MPDZ: variants seen among roughly 807,000 people sequenced by gnomAD.
MPDZ encodes the protein multiple PDZ domain protein.
Under a neutral mutation model 239.1 loss-of-function variants are expected in MPDZ, and 234 were observed. The observed-to-expected ratio is 0.98, with a 90% confidence interval of 0.88 to 1.09. MPDZ has a LOEUF of 1.09. Among genes scored for constraint, MPDZ ranks in the 50% least tolerant of loss-of-function variants. The probability of loss-of-function intolerance (pLI) is 0.00; values close to 1 mark genes in which losing one functional copy is unlikely to be tolerated. For synonymous variants in MPDZ, 1,048 were observed against 881.3 expected, an observed-to-expected ratio of 1.19 and a Z score of -3.35; for missense variants, 3,175 against 2,510.0, an observed-to-expected ratio of 1.26 and a Z score of -5.66.
chr9:13,278,190 A>G (rs1474440504), intron 1 of MPDZ, among the ~76,000 whole-genome samples: 1 of 152,194 alleles, frequency 6.6e-6, no homozygotes, highest in Non-Finnish European at 1.5e-5. Flanking sequence ...GACATCAAGG[A>G]ACATGGAGAA....
intron 39 of MPDZ, among the ~76,000 whole-genome samples, chr9:13,115,926 A>T (rs1943357576): frequency 6.9e-6 from 1 of 145,214 alleles, no homozygotes; most frequent in South Asian, 2.3e-4. Context: ...CCTGGGTGAC[A>T]GAGCGAGACT....
Position 13,209,329 on chromosome 9 carries a change from G to A in MPDZ, c.1291-3230C>T, listed in dbSNP as rs570709175. Among the ~76,000 whole-genome samples the A allele has an allele frequency of 5.9e-5, 9 of 152,262 alleles. No individual in the cohort carries two copies. The East Asian group carries it at 1.6e-3, about 26-fold the overall frequency. On this transcript the variant is annotated intron_variant, in intron 10 of 46. Transcript: ENST00000319217. ...CTCCAAATAACTCCTGGCTATCAGA[G>A]CAAACACAGAAAACAAAAACAGGCA...
At chr9:13,170,428 ATTG>A (rs1361813224) in intron 21 of MPDZ, among the ~76,000 whole-genome samples, 1 of 152,144 alleles carries the variant, frequency 6.6e-6, no homozygotes, top group Non-Finnish European at 1.5e-5. Flanking sequence ...TTTGAAGTGT[ATTG>A]TTAAGAAGAC....
chr9:13,261,132 T>C lies in MPDZ; in HGVS notation c.-57-10760A>G, dbSNP rs551039095. Among the ~76,000 whole-genome samples, 156 of 152,230 alleles carry C rather than the reference T, an allele frequency of 1.0e-3. 1 individual carries two copies. The highest frequency in any genetic ancestry group is 3.2e-3 in the African/African-American group (135 of 41,544). On this transcript the variant is annotated intron_variant, in intron 1 of 46. Coordinates refer to ENST00000319217, the MANE Select transcript of MPDZ (RefSeq NM_001378778.1). ...AATGGTAGAACAAGAGTTGAGAAGA[T>C]AGAAGGTGGCTGAGTAAGGGATGAA... is the stretch of plus-strand genomic sequence containing the variant.
chr9:13,228,993 T>C (rs998605413), intron 3 of MPDZ, among the ~76,000 whole-genome samples: 2 of 152,150 alleles, frequency 1.3e-5, no homozygotes, highest in African/African-American at 2.4e-5. Flanking sequence ...TATCATTCAA[T>C]ATGCCTTCCA....
At chr9:13,225,196 T>TA (rs199932971) in intron 3 of MPDZ, among the ~76,000 whole-genome samples, 11 of 151,434 alleles carry the variant, frequency 7.3e-5, no homozygotes, top group South Asian at 2.1e-4. Flanking sequence ...GTCAAAAGTT[T>TA]AAAAAAAAAT....
At chr9:13,152,611 G>A (rs921010043) in intron 24 of MPDZ, among the ~76,000 whole-genome samples, 4 of 151,812 alleles carry the variant, frequency 2.6e-5, no homozygotes, top group Non-Finnish European at 2.9e-5. Flanking sequence ...CCCCAGTCTC[G>A]GGGTACGTCT....
At chr9:13,272,926 A>G (rs766748882) in intron 1 of MPDZ, among the ~76,000 whole-genome samples, 1 of 152,080 alleles carries the variant, frequency 6.6e-6, no homozygotes, top group Non-Finnish European at 1.5e-5. Context: ...CCCCAAATTC[A>G]TATGTTGACA....
At chr9:13,219,139 C>G (rs995287098) in intron 8 of MPDZ, among the ~76,000 whole-genome samples, 1 of 151,666 alleles carries the variant, frequency 6.6e-6, no homozygotes, top group African/African-American at 2.4e-5. Flanking sequence ...TCCACACATT[C>G]AAAACAAAAA....
At chr9:13,164,518 T>A (rs1177075892) in intron 22 of MPDZ, among the ~76,000 whole-genome samples, 1 of 152,008 alleles carries the variant, frequency 6.6e-6, no homozygotes, top group Non-Finnish European at 1.5e-5. Context: ...CAGGAAAAGG[T>A]CAGGGAAGAA....
intron 43 of MPDZ, among the ~76,000 whole-genome samples, chr9:13,111,667 G>A (rs1392485554): frequency 6.6e-6 from 1 of 152,114 alleles, no homozygotes; most frequent in Non-Finnish European, 1.5e-5. Context: ...CAATTTAACA[G>A]AGTTAAATCG....
intron 1 of MPDZ, among the ~76,000 whole-genome samples, chr9:13,262,506 T>C (rs1485207558): frequency 1.3e-5 from 2 of 151,944 alleles, no homozygotes; most frequent in Non-Finnish European, 2.9e-5. Flanking sequence ...ATAGAAATGT[T>C]CTTTCTTCAA....
chr9:13,159,252 A>C (rs1950185536), intron 23 of MPDZ, among the ~76,000 whole-genome samples: 1 of 152,108 alleles, frequency 6.6e-6, no homozygotes, highest in Admixed American at 6.6e-5. Flanking sequence ...CTGAATGTTA[A>C]GTTTTTGTTT....
At chr9:13,208,678 T>A (rs183073008) in intron 10 of MPDZ, among the ~76,000 whole-genome samples, 1 of 149,242 alleles carries the variant, frequency 6.7e-6, no homozygotes. Context: ...TATATATATA[T>A]AATATATATA....
At chr9:13,177,965 T>C (rs1028490707) in intron 19 of MPDZ, among the ~76,000 whole-genome samples, 6 of 152,172 alleles carry the variant, frequency 3.9e-5, no homozygotes, top group African/African-American at 1.4e-4. Flanking sequence ...TCAAATGATA[T>C]GCACACTTAA....
At position 13,133,904 on chromosome 9, in the gene MPDZ, TCTGA is replaced by T. The variant is rs768764840; in HGVS notation, c.4384-4_4384-1del. ...TCAGAAGTAGTAACAGTTGGCTCTG[TCTGA>T]CAGAGGGAAAGAAATGACAAAAAGA... On this transcript the variant is annotated splice_acceptor_variant and splice_polypyrimidine_tract_variant and intron_variant, in intron 31 of 46. Transcript: ENST00000319217. LOFTEE classifies it high-confidence loss of function. 1.3e-6 allele frequency: 2 copies of T among 1,523,134 alleles called. No homozygotes were observed. Among genetic ancestry groups the T allele is most frequent in the Admixed American group, 1.9e-5 (1 of 53,682 alleles). 94.4% of individuals were successfully genotyped at this position (1,523,134 alleles called of 1,614,324 possible).
intron 7 of MPDZ, 102 bp from the exon 8 acceptor site, chr9:13,219,870 T>C (rs1958865124): frequency 9.0e-7 from 1 of 1,110,806 alleles, no homozygotes; most frequent in African/African-American, 1.6e-5. Context: ...ATAATATGAG[T>C]TACCAATCAG....
chr9:13,184,810 G>T (rs1293128641), intron 18 of MPDZ, among the ~76,000 whole-genome samples: 1 of 151,930 alleles, frequency 6.6e-6, no homozygotes. Context: ...ATTTACTGTA[G>T]AGATAAAACA....
chr9:13,121,953 G>T, intron 37 of MPDZ, 21 bp from the exon 38 acceptor site: 3 of 1,608,030 alleles, frequency 1.9e-6, no homozygotes, highest in South Asian at 1.1e-5. Flanking sequence ...ATGGGACACT[G>T]ACTGTAAGGA....
Sources: gnomAD v4.1 joint callset for allele counts (sites outside exome capture counted in the v4.1 genomes callset) on GRCh38, gnomAD v4.1.1 for gene constraint, MANE v1.5 for transcripts, NCBI Gene and HGNC (gene_info 2026-07-23, HGNC 2026-07-21) for gene names.